CHRM5: variants seen among roughly 807,000 people sequenced by gnomAD.
The protein encoded by CHRM5 is cholinergic receptor muscarinic 5.
In CHRM5, 18 loss-of-function variants were observed where a neutral mutation model predicts 39.0. The ratio of observed to expected loss-of-function variants is 0.46; its 90% CI spans 0.32 to 0.68. CHRM5 has a LOEUF of 0.68. Among genes scored for constraint, CHRM5 ranks in the 30% least tolerant of loss-of-function variants. The probability of loss-of-function intolerance (pLI) is 0.04; values close to 1 mark genes in which losing one functional copy is unlikely to be tolerated. For missense variants in CHRM5, 515 were observed against 651.1 expected, an observed-to-expected ratio of 0.79 and a Z score of 2.28; for synonymous variants, 241 against 246.3, an observed-to-expected ratio of 0.98 and a Z score of 0.20.
At chr15:34,022,890 T>C (rs1898266030) in intron 1 of CHRM5, among the ~76,000 whole-genome samples, 1 of 152,158 alleles carries the variant, frequency 6.6e-6, no homozygotes, top group Non-Finnish European at 1.5e-5. Context: ...CAAAGCCAGA[T>C]AGAAAAGAAC....
chr15:34,000,207 A>G (rs1897085277), intron 1 of CHRM5, among the ~76,000 whole-genome samples: 1 of 152,160 alleles, frequency 6.6e-6, no homozygotes, highest in Admixed American at 6.5e-5. Flanking sequence ...TTTTATTTCT[A>G]TTCTAAGCAA....
rs143488938 is a variant in CHRM5, at chr15:34,031,381, G to T, written c.-407-15159G>T. 5.3e-3 allele frequency among the ~76,000 whole-genome samples: 800 copies of T among 151,792 alleles called. 4 individuals carry two copies. The highest frequency in any genetic ancestry group is 9.2e-3 in the Non-Finnish European group (627 of 67,888). ...ATAGCGACAGGGTTTCATCATGTTG[G>T]TCAGGCTGGTCTCGAACTCCTGACC... On this transcript the variant is annotated intron_variant, in intron 1 of 2. Transcript: ENST00000383263.
At chr15:34,048,828 C>G (rs1211045073) in intron 2 of CHRM5, among the ~76,000 whole-genome samples, 1 of 152,130 alleles carries the variant, frequency 6.6e-6, no homozygotes, top group Admixed American at 6.5e-5. Context: ...ATGGAGCCTC[C>G]AAAGGAAGGA....
chr15:34,005,448 A>T (rs1737890308), intron 1 of CHRM5, among the ~76,000 whole-genome samples: 1 of 152,152 alleles, frequency 6.6e-6, no homozygotes, highest in Admixed American at 6.5e-5. Context: ...TTTATCTCCA[A>T]TATTATCTAT....
At chr15:34,026,369 T>C (rs1049043582) in intron 1 of CHRM5, among the ~76,000 whole-genome samples, 4 of 152,196 alleles carry the variant, frequency 2.6e-5, no homozygotes, top group African/African-American at 9.6e-5. Flanking sequence ...GTGTAACTTT[T>C]AACCTTAGGA....
At chr15:34,038,670 G>A (rs1899285919) in intron 1 of CHRM5, 1 of 1,028,686 alleles carries the variant, frequency 9.7e-7, no homozygotes. Flanking sequence ...CGGCGCCGCC[G>A]CCCGTCTGGC....
At chr15:33,997,778 T>C (rs1896996616) in intron 1 of CHRM5, among the ~76,000 whole-genome samples, 1 of 152,200 alleles carries the variant, frequency 6.6e-6, no homozygotes, top group Admixed American at 6.5e-5. Flanking sequence ...TCATTGCATT[T>C]GCTCTGCTAA....
rs557412600 is a variant in CHRM5 at position 33,974,575 on chromosome 15, G to C, written c.-408+5425G>C. 4.6e-5 allele frequency among the ~76,000 whole-genome samples: 7 copies of C among 152,302 alleles called. No individual in the cohort carries two copies. The South Asian group carries it at 1.5e-3, about 32-fold the overall frequency. On this transcript the variant is annotated intron_variant, in intron 1 of 2. Coordinates refer to ENST00000383263, the MANE Select transcript of CHRM5 (RefSeq NM_012125.4). ...CTAGAATTCATCAACATGTGTGTTG[G>C]GGTGGGGGCAGCTATAGTCTGAAGA...
chr15:34,060,885 A>G (rs557676353), intron 2 of CHRM5, among the ~76,000 whole-genome samples: 10 of 151,646 alleles, frequency 6.6e-5, no homozygotes, highest in African/African-American at 2.2e-4. Context: ...GCGTGGTGGC[A>G]GGCGCCTGTA....
chr15:34,054,744 A>G (rs1417925132), intron 2 of CHRM5, among the ~76,000 whole-genome samples: 2 of 152,124 alleles, frequency 1.3e-5, no homozygotes, highest in African/African-American at 2.4e-5. Context: ...TGGGCTTAAT[A>G]CCTAGGTAAT....
intron 1 of CHRM5, among the ~76,000 whole-genome samples, chr15:33,982,112 C>T (rs1212993425): frequency 6.6e-6 from 1 of 152,064 alleles, no homozygotes; most frequent in Non-Finnish European, 1.5e-5. Flanking sequence ...GATGATCCAC[C>T]CGCCTCAGCC....
intron 1 of CHRM5, among the ~76,000 whole-genome samples, chr15:34,018,967 G>C (rs999767811): frequency 8.6e-5 from 13 of 151,920 alleles, no homozygotes; most frequent in African/African-American, 3.1e-4. Context: ...ACAGAGTGCT[G>C]ATTGGTGTGT....
chr15:33,985,034 C>T (rs1896362020), intron 1 of CHRM5, among the ~76,000 whole-genome samples: 1 of 152,074 alleles, frequency 6.6e-6, no homozygotes, highest in Non-Finnish European at 1.5e-5. Context: ...TATCCCACAG[C>T]ATTCTGTATC....
intron 2 of CHRM5, among the ~76,000 whole-genome samples, chr15:34,057,175 C>T (rs1900188413): frequency 6.7e-6 from 1 of 149,894 alleles, no homozygotes; most frequent in South Asian, 2.1e-4. Context: ...TGCTGTGTCA[C>T]CAGGCTGGAG....
At chr15:34,014,742 A>C (rs998933965) in intron 1 of CHRM5, among the ~76,000 whole-genome samples, 1 of 152,126 alleles carries the variant, frequency 6.6e-6, no homozygotes, top group Non-Finnish European at 1.5e-5. Context: ...TGTTGGGTCT[A>C]CTCCAACAGC....
intron 1 of CHRM5, among the ~76,000 whole-genome samples, chr15:33,987,534 C>T (rs1422782583): frequency 6.6e-6 from 1 of 152,184 alleles, no homozygotes; most frequent in African/African-American, 2.4e-5. Flanking sequence ...CCTCTGGGAC[C>T]ATCTCTTTGC....
intron 1 of CHRM5, chr15:34,038,896 G>A (rs1289175429): frequency 8.8e-7 from 1 of 1,131,028 alleles, no homozygotes; most frequent in East Asian, 5.1e-5. Flanking sequence ...CCACGGCCCC[G>A]GCGTCCGCCT....
Position 34,063,328 on chromosome 15 carries a change from T to C in CHRM5, c.611T>C (p.Ile204Thr). The C allele has an allele frequency of 6.2e-7, 1 of 1,614,128 alleles. No homozygotes were observed. Among genetic ancestry groups the C allele is most frequent in the Non-Finnish European group, 8.5e-7 (1 of 1,180,030 alleles). The change falls in exon 3 of 3, where the codon ATC (isoleucine) becomes ACC (threonine). Residue 204 changes from isoleucine (I) to threonine (T), a missense_variant. Physicochemically the swap from Ile to Thr is moderately conservative, Grantham distance 89. Transcript: ENST00000383263. This position sits in a 1 kb window ranked among gnomAD's most constrained non-coding sequence, Gnocchi z 4.1. ...GGCACTGCCATTGCTGCCTTCTACA[T>C]CCCTGTTTCTGTCATGACCATCCTC... Reference protein sequence around the residue: ...TFGTAIAAFYIPVSVMTILYC... With the variant: ...TFGTAIAAFYTPVSVMTILYC...
intron 1 of CHRM5, among the ~76,000 whole-genome samples, chr15:34,044,635 C>CA (rs1438559155): frequency 3.3e-5 from 5 of 152,224 alleles, no homozygotes; most frequent in African/African-American, 4.8e-5. Context: ...CTGCTCCCAA[C>CA]AGAAGGGGAC....
Sources: gnomAD v4.1 joint callset for allele counts (sites outside exome capture counted in the v4.1 genomes callset) on GRCh38, gnomAD v4.1.1 for gene constraint, Gnocchi (gnomAD v3.1) non-coding constraint, MANE v1.5 for transcripts, NCBI Gene and HGNC (gene_info 2026-07-23, HGNC 2026-07-21) for gene names.